CGGBP1: variants seen among roughly 807,000 people sequenced by gnomAD.
The protein encoded by CGGBP1 is CGG triplet repeat-binding protein 1.
Under a neutral mutation model 11.4 loss-of-function variants are expected in CGGBP1, and 4 were observed. The ratio of observed to expected loss-of-function variants is 0.35; its 90% CI spans 0.17 to 0.80. The LOEUF (loss-of-function observed/expected upper bound fraction) is 0.80, where lower values mean the gene tolerates loss of function less well. Ranked by LOEUF, CGGBP1 falls within the 30% of genes least tolerant of loss-of-function variation. The pLI is 0.52. For synonymous variants in CGGBP1, 76 were observed against 74.1 expected (o/e 1.03, Z -0.13); for missense variants, 135 against 202.1 (o/e 0.67, Z 2.01).
intron 2 of CGGBP1, among the ~76,000 whole-genome samples, chr3:88,105,783 T>C (rs995663808): frequency 2.6e-5 from 4 of 152,200 alleles, no homozygotes; most frequent in African/African-American, 9.6e-5. Flanking sequence ...AGTTTGAATA[T>C]CTTTTTTTCA....
chr3:88,099,906 A>G (rs1247989504), intron 2 of CGGBP1, among the ~76,000 whole-genome samples: 1 of 152,240 alleles, frequency 6.6e-6, no homozygotes, highest in African/African-American at 2.4e-5. Flanking sequence ...TTGAGGACAT[A>G]GGCATGGGCA....
chr3:88,126,238 C>T (rs758639245), intron 2 of CGGBP1: 1 of 1,524,776 alleles, frequency 6.6e-7, no homozygotes. Flanking sequence ...TGCAAGCTGT[C>T]CTTAAAGCTC....
chr3:88,077,324 G>T (rs1707860808), intron 2 of CGGBP1, among the ~76,000 whole-genome samples: 1 of 150,802 alleles, frequency 6.6e-6, no homozygotes, highest in African/African-American at 2.5e-5. Context: ...AAAAGTTGCA[G>T]ACTTAAATTG....
At chr3:88,124,074 T>C (rs1223179673) in intron 2 of CGGBP1, among the ~76,000 whole-genome samples, 1 of 152,204 alleles carries the variant, frequency 6.6e-6, no homozygotes, top group East Asian at 1.9e-4. Flanking sequence ...ATGCAGAAAT[T>C]TCATGCCAAG....
chr3:88,093,942 C>G (rs1359554246), intron 2 of CGGBP1, among the ~76,000 whole-genome samples: 1 of 152,110 alleles, frequency 6.6e-6, no homozygotes, highest in African/African-American at 2.4e-5. Context: ...TACTCTTACT[C>G]CTGACTCTTT....
chr3:88,086,969 A>G (rs1321444152), intron 2 of CGGBP1, among the ~76,000 whole-genome samples: 1 of 152,130 alleles, frequency 6.6e-6, no homozygotes, highest in Non-Finnish European at 1.5e-5. Flanking sequence ...TTTTTAGTAG[A>G]GATGGGGTTT....
chr3:88,090,961 G>A (rs1215193020), intron 2 of CGGBP1, among the ~76,000 whole-genome samples: 2 of 152,188 alleles, frequency 1.3e-5, no homozygotes, highest in Admixed American at 6.5e-5. Flanking sequence ...TGCAGGCTGC[G>A]AGTTGGACAA....
chr3:88,112,648 G>A (rs185560764), intron 2 of CGGBP1, among the ~76,000 whole-genome samples: 26 of 152,006 alleles, frequency 1.7e-4, no homozygotes, highest in Non-Finnish European at 3.2e-4. Flanking sequence ...AATGTTGGCC[G>A]AGAGTTTTAT....
At chr3:88,144,293 T>C (rs1707255003) in intron 1 of CGGBP1, 1 of 152,368 alleles carries the variant, frequency 6.6e-6, no homozygotes, top group South Asian at 2.1e-4. Flanking sequence ...GTGATTCTTT[T>C]CAAATCACAC....
chr3:88,142,764 T>C (rs1246461908), intron 1 of CGGBP1: 1 of 152,332 alleles, frequency 6.6e-6, no homozygotes, highest in Non-Finnish European at 1.5e-5. Context: ...TGAACAGTAA[T>C]TTTTATATGT....
At chr3:88,099,701 C>T (rs1452449813) in intron 2 of CGGBP1, among the ~76,000 whole-genome samples, 5 of 152,090 alleles carry the variant, frequency 3.3e-5, no homozygotes, top group Non-Finnish European at 7.4e-5. Flanking sequence ...TTTGACAATC[C>T]TGACAAAAAC....
intron 2 of CGGBP1, among the ~76,000 whole-genome samples, chr3:88,089,715 C>G (rs1708534619): frequency 6.6e-6 from 1 of 152,080 alleles, no homozygotes; most frequent in Non-Finnish European, 1.5e-5. Context: ...GGAAGAAACC[C>G]CTTCTGCCTA....
At chr3:88,108,475 C>CGGT (rs1166793961) in intron 2 of CGGBP1, among the ~76,000 whole-genome samples, 6 of 152,124 alleles carry the variant, frequency 3.9e-5, no homozygotes, top group Non-Finnish European at 7.4e-5. Context: ...CGGTTTGTTA[C>CGGT]CCATAGTCAA....
At chr3:88,132,760 A>G (rs2107853676) in intron 2 of CGGBP1, among the ~76,000 whole-genome samples, 1 of 152,328 alleles carries the variant, frequency 6.6e-6, no homozygotes, top group East Asian at 1.9e-4. Flanking sequence ...TAATTCTTTT[A>G]ATAAAGATGC....
chr3:88,142,251 A>G (rs1398387064), intron 1 of CGGBP1: 1 of 148,772 alleles, frequency 6.7e-6, no homozygotes, highest in Non-Finnish European at 1.5e-5. Flanking sequence ...AATTAGGTCA[A>G]AGTTCAATGA....
In CGGBP1 at chr3:88,065,677, T is replaced by C. The variant is rs543875862; in HGVS notation, c.-228-7454A>G. On this transcript the variant is annotated intron_variant, in intron 2 of 3. Transcript: ENST00000462901. ...CTTTATAATCAAAGAAAAAATAAAG[T>C]ATATAAAATAAATTTCATTTTCTTT... 1.4e-3 allele frequency among the ~76,000 whole-genome samples: 208 copies of C among 152,188 alleles called. 1 individual carries two copies. Among genetic ancestry groups the C allele is most frequent in the Non-Finnish European group, 2.7e-3 (181 of 68,034 alleles).
At chr3:88,136,799 C>T (rs1428224648) in intron 2 of CGGBP1, among the ~76,000 whole-genome samples, 5 of 152,088 alleles carry the variant, frequency 3.3e-5, no homozygotes, top group Middle Eastern at 3.2e-3. Flanking sequence ...ATCCTGGAAC[C>T]ATCAAAAGAT....
intron 1 of CGGBP1, chr3:88,142,235 ATGAT>A (rs1321642801): frequency 6.7e-6 from 1 of 148,754 alleles, no homozygotes; most frequent in African/African-American, 2.6e-5. Context: ...AGGTTTCCAG[ATGAT>A]TAATTAGGTC....
intron 2 of CGGBP1, chr3:88,113,288 A>G (rs1705202461): frequency 2.7e-6 from 2 of 729,454 alleles, no homozygotes; most frequent in South Asian, 2.2e-5. Flanking sequence ...ATTATTGCTT[A>G]TAAGTTTTTA....
Sources: gnomAD v4.1 joint callset for allele counts (sites outside exome capture counted in the v4.1 genomes callset) on GRCh38, gnomAD v4.1.1 for gene constraint, MANE v1.5 for transcripts, NCBI Gene and HGNC (gene_info 2026-07-23, HGNC 2026-07-21) for gene names.